SDK1: variants seen among roughly 807,000 people sequenced by gnomAD.
SDK1 encodes the protein sidekick cell adhesion molecule 1.
Under a neutral mutation model 245.5 loss-of-function variants are expected in SDK1, and 157 were observed. The observed-to-expected ratio is 0.64, with a 90% confidence interval of 0.56 to 0.73. The LOEUF is 0.73. Ranked by LOEUF, SDK1 falls within the 30% of genes least tolerant of loss-of-function variation. SDK1 has a pLI of 0.00. For synonymous variants in SDK1, 1,647 were observed against 1,278.5 expected, an observed-to-expected ratio of 1.29 and a Z score of -6.15; for missense variants, 3,583 against 3,002.3, an observed-to-expected ratio of 1.19 and a Z score of -4.52.
At chr7:4,250,448 A>G (rs1043687111) in intron 44 of SDK1, among the ~76,000 whole-genome samples, 2 of 152,020 alleles carry the variant, frequency 1.3e-5, no homozygotes, top group Non-Finnish European at 2.9e-5. Context: ...GGTTCAAGCA[A>G]TTCTCATGCC....
At chr7:3,457,113 C>T (rs1016196071) in intron 1 of SDK1, among the ~76,000 whole-genome samples, 3 of 152,080 alleles carry the variant, frequency 2.0e-5, no homozygotes, top group Admixed American at 6.5e-5. Context: ...CTCTGTTGTC[C>T]GCTTTTCTGG....
intron 1 of SDK1, among the ~76,000 whole-genome samples, chr7:3,586,493 C>T (rs776586518): frequency 7.3e-5 from 11 of 150,540 alleles, no homozygotes; most frequent in Non-Finnish European, 7.4e-5. Flanking sequence ...GTCAGGAGAT[C>T]GAGACCATCC....
intron 4 of SDK1, among the ~76,000 whole-genome samples, chr7:3,684,310 A>T (rs1407537976): frequency 3.3e-5 from 5 of 152,200 alleles, no homozygotes; most frequent in African/African-American, 1.2e-4. Flanking sequence ...TTCAGTCCCA[A>T]GCTGCAGCTA....
intron 4 of SDK1, among the ~76,000 whole-genome samples, chr7:3,670,184 A>G (rs1279237689): frequency 1.3e-5 from 2 of 152,192 alleles, no homozygotes; most frequent in African/African-American, 4.8e-5. Flanking sequence ...AGAATGATAT[A>G]TTAATATGAA....
intron 2 of SDK1, among the ~76,000 whole-genome samples, chr7:3,623,134 C>G (rs1781996138): frequency 6.6e-6 from 1 of 152,060 alleles, no homozygotes; most frequent in African/African-American, 2.4e-5. Flanking sequence ...AAAATGCTAA[C>G]CCTGTAAAGA....
At chr7:3,751,338 C>T (rs1466832055) in intron 4 of SDK1, among the ~76,000 whole-genome samples, 1 of 152,042 alleles carries the variant, frequency 6.6e-6, no homozygotes, top group Non-Finnish European at 1.5e-5. Flanking sequence ...ACCTTGAAGT[C>T]AGCACCTCCC....
Position 4,180,323 on chromosome 7 carries a change from G to A in SDK1, c.5098+1737G>A, listed in dbSNP as rs375453077. On this transcript the variant is annotated intron_variant, in intron 35 of 44. Coordinates refer to ENST00000404826, the MANE Select transcript of SDK1 (RefSeq NM_152744.4). ...GTGCCTGGCTCCAGCTCTATGCCCAGTGCCCGGCTCCAGCTCTATGCCCAG... is the reference window on the plus strand; with the variant it reads ...GTGCCTGGCTCCAGCTCTATGCCCAATGCCCGGCTCCAGCTCTATGCCCAG... Among the ~76,000 whole-genome samples the A allele has an allele frequency of 1.3e-4, 19 of 150,970 alleles. No individual in the cohort carries two copies. The South Asian group carries it at 4.0e-3, about 32-fold the overall frequency.
intron 22 of SDK1, among the ~76,000 whole-genome samples, chr7:4,090,852 AT>A: frequency 6.6e-6 from 1 of 151,992 alleles, no homozygotes; most frequent in Non-Finnish European, 1.5e-5. Flanking sequence ...ATTTCACACT[AT>A]CACCTCCAAA....
intron 9 of SDK1, among the ~76,000 whole-genome samples, chr7:3,964,581 C>A (rs1410421684): frequency 6.6e-5 from 10 of 152,168 alleles, no homozygotes; most frequent in African/African-American, 2.4e-4. Flanking sequence ...GAAAAATAAA[C>A]TCAAGGTAAA....
rs550557783 is a variant in SDK1, at chr7:3,411,617, C to T, written c.298+109733C>T. On this transcript the variant is annotated intron_variant, in intron 1 of 44. Transcript: ENST00000404826. ...TTCCCAGCAAATCTGAAATGCAATA[C>T]GGGCACTGACATGAAATGATGAAAA... Among the ~76,000 whole-genome samples the T allele has an allele frequency of 5.9e-5, 9 of 152,246 alleles. No individual in the cohort carries two copies. The South Asian group carries it at 6.2e-4, about 11-fold the overall frequency.
At chr7:3,773,761 T>A (rs571181461) in intron 4 of SDK1, among the ~76,000 whole-genome samples, 12 of 152,314 alleles carry the variant, frequency 7.9e-5, no homozygotes, top group Admixed American at 5.2e-4. Context: ...CTAAGGTGTA[T>A]ACTTAAGTTC....
At chr7:3,621,954 G>C (rs934707958) in intron 2 of SDK1, among the ~76,000 whole-genome samples, 1 of 152,100 alleles carries the variant, frequency 6.6e-6, no homozygotes, top group African/African-American at 2.4e-5. Context: ...TATTTAATAA[G>C]TCACATGAGA....
intron 7 of SDK1, among the ~76,000 whole-genome samples, chr7:3,954,289 A>G (rs1431183908): frequency 9.5e-5 from 1 of 10,556 alleles, no homozygotes; most frequent in Non-Finnish European, 1.6e-4. Flanking sequence ...TCACCTCTAC[A>G]CTCTACAGCC....
chr7:3,354,092 A>G lies in SDK1; in HGVS notation c.298+52208A>G, dbSNP rs186172688. ...GCTGCAAGCTCCGCCTCCTGGGTTC[A>G]CACCATTCTTTTGCCTCAGCCTCAG... On this transcript the variant is annotated intron_variant, in intron 1 of 44. Transcript: ENST00000404826. Among the ~76,000 whole-genome samples, 637 of 150,378 alleles carry G rather than the reference A, an allele frequency of 4.2e-3. 7 individuals are homozygous for G. Among genetic ancestry groups the G allele is most frequent in the South Asian group, 0.018 (87 of 4,768 alleles).
chr7:3,895,028 C>T (rs1226914764), intron 5 of SDK1, among the ~76,000 whole-genome samples: 2 of 152,136 alleles, frequency 1.3e-5, no homozygotes, highest in African/African-American at 2.4e-5. Context: ...CTCTAATGTA[C>T]ATTTTACTGA....
At chr7:3,515,552 T>C (rs957158439) in intron 1 of SDK1, among the ~76,000 whole-genome samples, 1 of 152,198 alleles carries the variant, frequency 6.6e-6, no homozygotes, top group Non-Finnish European at 1.5e-5. Flanking sequence ...TGTGATCAAA[T>C]CAAGTGTTCT....
At chr7:3,461,193 C>T (rs1562499695) in intron 1 of SDK1, among the ~76,000 whole-genome samples, 1 of 152,154 alleles carries the variant, frequency 6.6e-6, no homozygotes, top group Non-Finnish European at 1.5e-5. Context: ...CAGCATTTAC[C>T]TTAGGCGGTC....
chr7:3,769,582 G>A (rs117532072), intron 4 of SDK1, among the ~76,000 whole-genome samples: 2,113 of 152,044 alleles, frequency 0.014, 88 homozygotes, highest in East Asian at 0.094. Context: ...TATGACTTTC[G>A]GAGGGGGCAC....
chr7:3,751,159 C>T (rs62437937), intron 4 of SDK1, among the ~76,000 whole-genome samples: 11 of 152,220 alleles, frequency 7.2e-5, no homozygotes, highest in Non-Finnish European at 1.3e-4. Context: ...AGGGCTCTTG[C>T]TCCTGGCATT....
Sources: allele counts gnomAD v4.1 joint callset (sites outside exome capture counted in the v4.1 genomes callset), GRCh38; gene constraint gnomAD v4.1.1; transcripts MANE v1.5; gene names NCBI Gene and HGNC (gene_info 2026-07-23, HGNC 2026-07-21).